Variants in IL10RB observed in about 807,000 individuals in gnomAD.
IL10RB encodes the protein interleukin 10 receptor subunit beta.
Under a neutral mutation model 38.7 loss-of-function variants are expected in IL10RB, and 30 were observed. The observed-to-expected ratio is 0.78, with a 90% CI of 0.58 to 1.05. The LOEUF (loss-of-function observed/expected upper bound fraction) is 1.05, where lower values mean the gene tolerates loss of function less well. IL10RB is among the 50% of genes least tolerant of loss of function. The probability of loss-of-function intolerance (pLI) is 0.00; values close to 1 mark genes in which losing one functional copy is unlikely to be tolerated. For missense variants in IL10RB, 328 were observed against 397.1 expected, an observed-to-expected ratio of 0.83 and a Z score of 1.48; for synonymous variants, 142 against 145.9, an observed-to-expected ratio of 0.97 and a Z score of 0.19.
At chr21:33,305,256 G>C (rs528541004) in intron 1 of IL10RB, among the ~76,000 whole-genome samples, 1 of 151,962 alleles carries the variant, frequency 6.6e-6, no homozygotes, top group African/African-American at 2.4e-5. Flanking sequence ...CTACCGATGC[G>C]CACCACCACG....
In IL10RB at chr21:33,268,454, T is replaced by C. The variant is rs765774787; in HGVS notation, c.110T>C (p.Ile37Thr). The change falls in exon 2 of 7, where the codon ATT becomes ACT. Residue 37 changes from isoleucine (I) to threonine (T), a missense_variant. Coordinates refer to ENST00000290200, the MANE Select transcript of IL10RB (RefSeq NM_000628.5). The stretch of plus-strand genomic sequence containing the variant: ...ATGAATTCTGTTAATTTCAAGAACA[T>C]TCTACAGTGGGAGTCACCTGCTTTT... ...VRMNSVNFKN[I>T]LQWESPAFAK... 3 of 1,614,168 alleles carry C rather than the reference T, an allele frequency of 1.9e-6. No homozygotes were observed. Among genetic ancestry groups the C allele is most frequent in the Non-Finnish European group, 2.5e-6 (3 of 1,179,990 alleles).
At chr21:33,308,645 T>C (rs1288572135) in intron 1 of IL10RB, 1 of 152,124 alleles carries the variant, frequency 6.6e-6, no homozygotes, top group Non-Finnish European at 1.5e-5. Flanking sequence ...ACAAAAAGAA[T>C]AGGGACTGTA....
intron 6 of IL10RB, among the ~76,000 whole-genome samples, chr21:33,295,919 CTGTA>C (rs1453600074): frequency 2.0e-5 from 3 of 151,856 alleles, no homozygotes; most frequent in African/African-American, 4.8e-5. Context: ...TAGCACATGC[CTGTA>C]ATCTCAGCTA....
chr21:33,289,228 C>T (rs944747834), intron 6 of IL10RB, among the ~76,000 whole-genome samples: 7 of 152,224 alleles, frequency 4.6e-5, no homozygotes, highest in Non-Finnish European at 8.8e-5. Context: ...GCTAGGAGCA[C>T]GAGTGCCTCA....
At chr21:33,298,544 G>A (rs1601840494), downstream of IL10RB, among the ~76,000 whole-genome samples, 3 of 152,276 alleles carry the variant, frequency 2.0e-5, no homozygotes, top group South Asian at 6.2e-4. Flanking sequence ...AACCCAGGAG[G>A]TGGAGGCTGC....
rs373204116 is a variant in IL10RB at position 33,288,252 on chromosome 21, C to A, written c.795C>A (p.His265Gln). The A allele has an allele frequency of 2.0e-5, 32 of 1,613,620 alleles. No homozygotes were observed. The highest frequency in any genetic ancestry group is 2.4e-5 in the Non-Finnish European group (28 of 1,179,732). ...CCCCTAGGAATTCTCTTCCACAGCA[C>A]CTGAAAGAGGTAGGTAGGATGGAGT... ...AFSPRNSLPQ[H>Q]LKEFLGHPHH... The change falls in exon 6 of 7, where the codon CAC (histidine) becomes CAA (glutamine). Residue 265 changes from histidine (H) to glutamine (Q), a missense_variant. Physicochemically the swap from His to Gln is conservative, Grantham distance 24. Coordinates refer to ENST00000290200, the MANE Select transcript of IL10RB (RefSeq NM_000628.5).
At chr21:33,289,913 G>A (rs751963401) in intron 6 of IL10RB, among the ~76,000 whole-genome samples, 10 of 152,188 alleles carry the variant, frequency 6.6e-5, no homozygotes, top group Non-Finnish European at 8.8e-5. Flanking sequence ...AGGAGATCGA[G>A]ACCATCCTGG....
chr21:33,287,225 A>T (rs1430599895), intron 5 of IL10RB, among the ~76,000 whole-genome samples: 1 of 152,228 alleles, frequency 6.6e-6, no homozygotes, highest in African/African-American at 2.4e-5. Flanking sequence ...AGGGGCTGGG[A>T]AGAACAAATG....
downstream of IL10RB, among the ~76,000 whole-genome samples, chr21:33,301,246 C>T (rs183040807): frequency 6.2e-4 from 94 of 152,302 alleles, no homozygotes; most frequent in Non-Finnish European, 1.2e-3. Context: ...AGAGACTCAA[C>T]ATGATTTTTC....
intron 5 of IL10RB, among the ~76,000 whole-genome samples, chr21:33,283,820 G>T (rs1989323465): frequency 6.6e-6 from 1 of 152,110 alleles, no homozygotes; most frequent in African/African-American, 2.4e-5. Context: ...GTTCCCATGG[G>T]CCTAAACACT....
intron 1 of IL10RB, chr21:33,308,940 A>G (rs759406142): frequency 3.3e-5 from 5 of 152,210 alleles, no homozygotes; most frequent in Non-Finnish European, 7.3e-5. Context: ...CAAAATTTGC[A>G]GTTTTCTGTG....
intron 1 of IL10RB, among the ~76,000 whole-genome samples, chr21:33,304,501 T>C (rs2834177): frequency 0.78 from 119,400 of 152,182 alleles, 47,803 homozygotes; most frequent in African/African-American, 0.95. Context: ...GGTGCAATCG[T>C]GGTTTCTTTT....
intron 2 of IL10RB, among the ~76,000 whole-genome samples, chr21:33,271,397 T>C (rs1249065195): frequency 6.6e-6 from 1 of 152,164 alleles, no homozygotes; most frequent in Non-Finnish European, 1.5e-5. Context: ...ATATTACCTA[T>C]TTAATGCGGG....
chr21:33,295,182 T>A (rs1053280533), intron 6 of IL10RB, among the ~76,000 whole-genome samples: 6 of 151,736 alleles, frequency 4.0e-5, no homozygotes, highest in Non-Finnish European at 8.8e-5. Flanking sequence ...TAGCTAACGC[T>A]GTGAAACCCT....
intron 2 of IL10RB, among the ~76,000 whole-genome samples, chr21:33,271,465 A>G (rs1033750582): frequency 7.9e-5 from 12 of 152,230 alleles, no homozygotes; most frequent in African/African-American, 2.9e-4. Flanking sequence ...GCGGTGGCTC[A>G]TGCCCGTAAT....
In IL10RB at chr21:33,266,422, G is replaced by C. The variant is rs1404771368; in HGVS notation, c.-44G>C. 6.5e-7 allele frequency: 1 copy of C among 1,536,432 alleles called. No individual in the cohort carries two copies. Among genetic ancestry groups the C allele is most frequent in the Non-Finnish European group, 8.7e-7 (1 of 1,144,736 alleles). ...ACAAGCTCTCCCGGGCGCGGGCGGG[G>C]GTCGTGTGCTTGGAGGAAGCCGCGG... On this transcript the variant is annotated 5_prime_UTR_variant, in exon 1 of 7. Transcript: ENST00000290200.
intron 1 of IL10RB, chr21:33,268,127 A>T: frequency 3.0e-5 from 24 of 790,126 alleles, no homozygotes; most frequent in Non-Finnish European, 4.1e-5. Context: ...TGCCCACCCT[A>T]CCCCCTCATA....
chr21:33,275,152 C>CT (rs71320298), intron 2 of IL10RB, among the ~76,000 whole-genome samples: 11,089 of 102,360 alleles, frequency 0.11, 753 homozygotes, highest in Non-Finnish European at 0.12. Flanking sequence ...TCCAACTTTT[C>CT]TTTTTTTTTT....
chr21:33,288,391 A>C (rs1400571617), intron 6 of IL10RB, 130 bp downstream of exon 6: 10 of 700,178 alleles, frequency 1.4e-5, no homozygotes, highest in Non-Finnish European at 2.3e-5. Context: ...GCACACACAC[A>C]CACACACACA....
Sources: gnomAD v4.1 joint callset for allele counts (sites outside exome capture counted in the v4.1 genomes callset) on GRCh38, gnomAD v4.1.1 for gene constraint, MANE v1.5 for transcripts, NCBI Gene and HGNC (gene_info 2026-07-23, HGNC 2026-07-21) for gene names.